COL22A1: variants seen among roughly 807,000 people sequenced by gnomAD.
COL22A1 encodes the protein collagen alpha-1(XXII) chain.
COL22A1 carries 221 observed loss-of-function variants against 248.9 expected under a neutral mutation model. The observed-to-expected ratio is 0.89, with a 90% CI of 0.80 to 0.99. COL22A1 has a LOEUF of 0.99. Among genes scored for constraint, COL22A1 ranks in the 50% least tolerant of loss-of-function variants. The pLI, the probability that COL22A1 is intolerant of heterozygous loss-of-function variation, is 0.00. For missense variants in COL22A1, 2,240 were observed against 2,179.0 expected, an observed-to-expected ratio of 1.03 and a Z score of -0.56; for synonymous variants, 891 against 793.4, an observed-to-expected ratio of 1.12 and a Z score of -2.07.
intron 53 of COL22A1, among the ~76,000 whole-genome samples, chr8:138,618,890 A>G (rs933055158): frequency 6.6e-6 from 1 of 152,252 alleles, no homozygotes; most frequent in Non-Finnish European, 1.5e-5. Context: ...GTTTATATGT[A>G]TAATAGCTAG....
intron 37 of COL22A1, among the ~76,000 whole-genome samples, chr8:138,688,153 T>C (rs902415272): frequency 1.4e-5 from 2 of 144,350 alleles, no homozygotes; most frequent in Non-Finnish European, 3.0e-5. Flanking sequence ...TAAAAGGGTG[T>C]AGATTCTCCT....
At chr8:138,649,031 T>G (rs1402574881) in intron 46 of COL22A1, among the ~76,000 whole-genome samples, 1 of 152,270 alleles carries the variant, frequency 6.6e-6, no homozygotes, top group African/African-American at 2.4e-5. Flanking sequence ...GTTTTCTTTC[T>G]CTTCCACCTT....
chr8:138,650,691 TAGATAGATAGATAGATAGATAGATAGAC>T (rs1334320255), intron 45 of COL22A1, among the ~76,000 whole-genome samples: 821 of 16,068 alleles, frequency 0.051, 11 homozygotes, highest in African/African-American at 0.07. Flanking sequence ...GATAGATAGA[TAGATAGATAGATAGATAGATAGATAGAC>T]AGATAGACAG....
intron 3 of COL22A1, among the ~76,000 whole-genome samples, chr8:138,845,343 T>C (rs1475539751): frequency 6.6e-6 from 1 of 151,860 alleles, no homozygotes; most frequent in Non-Finnish European, 1.5e-5. Context: ...ACCCCGGCTC[T>C]ACTAATAATA....
intron 45 of COL22A1, among the ~76,000 whole-genome samples, chr8:138,652,734 G>GTTTTTTTTTTTTTTT (rs1564146836): frequency 3.0e-4 from 14 of 45,912 alleles, no homozygotes; most frequent in African/African-American, 5.9e-4. Context: ...TTCCTTTTCT[G>GTTTTTTTTTTTTTTT]GTTTTTTTTT....
chr8:138,725,263 T>C, intron 24 of COL22A1, 124 bp downstream of exon 24: 1 of 990,462 alleles, frequency 1.0e-6, no homozygotes, highest in Non-Finnish European at 1.6e-6. Flanking sequence ...TCCTCCTGTG[T>C]GTGTTTTTGC....
In COL22A1 at chr8:138,781,488, C is replaced by T. The variant is rs1815001000; in HGVS notation, c.1597-508G>A. 5.3e-5 allele frequency among the ~76,000 whole-genome samples: 8 copies of T among 152,160 alleles called. No individual in the cohort carries two copies. The South Asian group carries it at 1.7e-3, about 32-fold the overall frequency. On this transcript the variant is annotated intron_variant, in intron 12 of 64. Transcript: ENST00000303045. ...AACCAAAAATGTCTTCAGATATTGC[C>T]AAAAGCCTCCTGCTTGGGAACCACT...
intron 1 of COL22A1, among the ~76,000 whole-genome samples, chr8:138,907,160 T>C (rs1440412553): frequency 1.3e-5 from 2 of 152,272 alleles, no homozygotes; most frequent in Admixed American, 6.5e-5. Flanking sequence ...CAAAAGATAT[T>C]TCTCCATCAC....
intron 54 of COL22A1, 139 bp from the exon 55 acceptor site, chr8:138,616,193 T>C (rs1371060081): frequency 2.8e-6 from 2 of 726,800 alleles, no homozygotes; most frequent in East Asian, 5.1e-5. Context: ...GCCCCAGCCC[T>C]GAGTTGAGGT....
chr8:138,838,681 A>G (rs1820621420), intron 4 of COL22A1, among the ~76,000 whole-genome samples: 1 of 152,050 alleles, frequency 6.6e-6, no homozygotes, highest in South Asian at 2.1e-4. Context: ...AAAAAAAAAA[A>G]AAGATAAATT....
At chr8:138,878,396 G>T in intron 2 of COL22A1, 80 bp from the exon 3 acceptor site, 1 of 1,191,152 alleles carries the variant, frequency 8.4e-7, no homozygotes, top group Non-Finnish European at 1.1e-6. Flanking sequence ...GGTCACTGGG[G>T]TCACACACAC....
At position 138,826,676 on chromosome 8, in the gene COL22A1, G is replaced by T. The variant is rs758453067; in HGVS notation, c.951C>A (p.Asp317Glu). 34 of 1,613,832 alleles carry T rather than the reference G, an allele frequency of 2.1e-5. No homozygotes were observed. In the East Asian group the frequency reaches 7.6e-4, roughly 36 times the overall value. Residue 317 changes from aspartate to glutamate, a missense_variant, in exon 6 of 65, where the codon GAC (aspartate) becomes GAA (glutamate). Physicochemically the swap from Asp to Glu is conservative, Grantham distance 45. Coordinates refer to ENST00000303045, the MANE Select transcript of COL22A1 (RefSeq NM_152888.3). ...KEDWYIWQVI[D>E]QYSIPQVSIR... ...CCCTTACCTGTGGGATGCTGTACTGGTCGATGACCTGCCAGATATACCAGT... is the reference window on the plus strand; with the variant it reads ...CCCTTACCTGTGGGATGCTGTACTGTTCGATGACCTGCCAGATATACCAGT...
At chr8:138,808,772 AC>A (rs1297379088) in intron 9 of COL22A1, among the ~76,000 whole-genome samples, 1 of 152,244 alleles carries the variant, frequency 6.6e-6, no homozygotes, top group Admixed American at 6.5e-5. Context: ...GCTCCGGAAC[AC>A]ACATTTTTAA....
intron 16 of COL22A1, among the ~76,000 whole-genome samples, chr8:138,773,488 T>A (rs546448507): frequency 6.6e-6 from 1 of 152,390 alleles, no homozygotes; most frequent in South Asian, 2.1e-4. Flanking sequence ...TTACAGGGGA[T>A]CTGGCCGTAG....
At chr8:138,911,256 A>G (rs1167940812) in intron 1 of COL22A1, among the ~76,000 whole-genome samples, 1 of 152,242 alleles carries the variant, frequency 6.6e-6, no homozygotes, top group Admixed American at 6.5e-5. Flanking sequence ...CTGGGGACCA[A>G]GACAGCAGAC....
At chr8:138,806,159 TGTGTGTGATGGTGTAAGTAATG>T (rs1276144896) in intron 10 of COL22A1, among the ~76,000 whole-genome samples, 4 of 142,306 alleles carry the variant, frequency 2.8e-5, no homozygotes, top group African/African-American at 1.1e-4. Context: ...TGATGGTGTG[TGTGTGTGATGGTGTAAGTAATG>T]GTGTGTGATG....
At chr8:138,623,029 AC>A (rs1293311460) in intron 52 of COL22A1, among the ~76,000 whole-genome samples, 2 of 151,690 alleles carry the variant, frequency 1.3e-5, no homozygotes, top group African/African-American at 4.9e-5. Context: ...GACTGACCAA[AC>A]TCAGTGAGCA....
At chr8:138,703,149 T>C (rs1019971651) in intron 31 of COL22A1, among the ~76,000 whole-genome samples, 157 bp downstream of exon 31, 4 of 152,180 alleles carry the variant, frequency 2.6e-5, no homozygotes, top group African/African-American at 4.8e-5. Context: ...GAGAAGTGTA[T>C]ATATTTTTGG....
chr8:138,603,215 TCA>T (rs1333174103), intron 59 of COL22A1, among the ~76,000 whole-genome samples: 33 of 152,216 alleles, frequency 2.2e-4, no homozygotes, highest in Admixed American at 2.1e-3. Context: ...GTCCTCATCC[TCA>T]CAGAGTTCAC....
Sources: gnomAD v4.1 joint callset for allele counts (sites outside exome capture counted in the v4.1 genomes callset) on GRCh38, gnomAD v4.1.1 for gene constraint, MANE v1.5 for transcripts, NCBI Gene and HGNC (gene_info 2026-07-23, HGNC 2026-07-21) for gene names.